Variants in DEAF1 observed in about 807,000 individuals in gnomAD.
The protein encoded by DEAF1 is DEAF1 transcription factor, also known as deformed epidermal autoregulatory factor 1 homolog.
DEAF1 carries 53 observed loss-of-function variants against 58.9 expected under a neutral mutation model. The ratio of observed to expected loss-of-function variants is 0.90; its 90% CI spans 0.72 to 1.13. The LOEUF (loss-of-function observed/expected upper bound fraction) is 1.13. Ranked by LOEUF, DEAF1 falls within the 50% of genes most tolerant of loss-of-function variation. The pLI, the probability that DEAF1 is intolerant of heterozygous loss-of-function variation, is 0.00. For missense variants in DEAF1, 685 were observed against 791.4 expected, an observed-to-expected ratio of 0.87 and a Z score of 1.61; for synonymous variants, 385 against 340.4, an observed-to-expected ratio of 1.13 and a Z score of -1.44.
intron 1 of DEAF1, among the ~76,000 whole-genome samples, chr11:693,305 C>T (rs957314044): frequency 3.3e-5 from 5 of 152,188 alleles, no homozygotes; most frequent in African/African-American, 7.2e-5. Flanking sequence ...TAGCGACGGA[C>T]GCCAACCCCT....
intron 9 of DEAF1, among the ~76,000 whole-genome samples, chr11:675,703 C>G (rs994180363): frequency 6.6e-6 from 1 of 152,066 alleles, no homozygotes; most frequent in Non-Finnish European, 1.5e-5. Context: ...GTCTATAATC[C>G]CAGCTACCTG....
intron 10 of DEAF1, among the ~76,000 whole-genome samples, chr11:657,229 C>T (rs575138108): frequency 1.8e-4 from 28 of 152,180 alleles, no homozygotes; most frequent in East Asian, 3.9e-4. Flanking sequence ...TAAAAGGACC[C>T]GGGGCTCCTT....
upstream of DEAF1, chr11:695,482 C>A (rs1861084975): frequency 5.5e-6 from 4 of 725,154 alleles, no homozygotes; most frequent in Non-Finnish European, 7.6e-6. Flanking sequence ...AGATTCTCGC[C>A]GGCGGCCGGC....
chr11:687,616 A>AGTAGCTGGGACTATGGGACTACAGGCG (rs1860651204), intron 4 of DEAF1, among the ~76,000 whole-genome samples: 1 of 152,150 alleles, frequency 6.6e-6, no homozygotes, highest in Admixed American at 6.5e-5. Context: ...CAGCCTCCCG[A>AGTAGCTGGGACTATGGGACTACAGGCG]GTAGCTGGGA....
At chr11:673,143 C>T (rs1028212676) in intron 10 of DEAF1, among the ~76,000 whole-genome samples, 1 of 150,134 alleles carries the variant, frequency 6.7e-6, no homozygotes, top group Non-Finnish European at 1.5e-5. Flanking sequence ...AGCGAGACTC[C>T]GTCTCAAAAA....
At chr11:699,609 A>G (rs1244748097), upstream of DEAF1, 1 of 155,080 alleles carries the variant, frequency 6.4e-6, no homozygotes, top group Non-Finnish European at 1.4e-5. Flanking sequence ...TTAGCTGGGC[A>G]TGGTTTTGCA....
intron 10 of DEAF1, among the ~76,000 whole-genome samples, chr11:657,238 T>G (rs1324899859): frequency 6.6e-6 from 1 of 152,060 alleles, no homozygotes; most frequent in Admixed American, 6.5e-5. Flanking sequence ...CCGGGGCTCC[T>G]TGGAGAAGGG....
intron 9 of DEAF1, among the ~76,000 whole-genome samples, chr11:677,763 A>G (rs753296544): frequency 0.13 from 7,122 of 53,692 alleles, 1,997 homozygotes; most frequent in East Asian, 0.42. Flanking sequence ...GACCAGCCTG[A>G]CCAGCATGGT....
intron 1 of DEAF1, chr11:704,003 T>C (rs1554948837): frequency 3.3e-6 from 4 of 1,217,946 alleles, no homozygotes; most frequent in Non-Finnish European, 3.1e-6. Context: ...TCTAAGCTGT[T>C]ACAGTAGCTT....
Position 694,962 on chromosome 11 carries a change from GCCGCCGCCGCCACAGCGGC to G in DEAF1, c.67_85del (p.Ala23ProfsTer14). 9.2e-7 allele frequency: 1 copy of G among 1,089,714 alleles called. No homozygotes were observed. The highest frequency in any genetic ancestry group is 1.1e-6 in the Non-Finnish European group (1 of 893,614). The allele number at this position is 1,089,714 out of a possible 1,614,324, so 67.5% of individuals were successfully genotyped here. Reference sequence around the variant, plus strand: ...CGCCTCGCCTCCTGCCGCGGCCGCGGCCGCCGCCGCCACAGCGGCCGCGGCCGCCACCGCCGCCGCCTCA... The same window carrying G: ...CGCCTCGCCTCCTGCCGCGGCCGCGGCGCGGCCGCCACCGCCGCCGCCTCA... On this transcript the variant is annotated frameshift_variant, in exon 1 of 12. Transcript: ENST00000382409. LOFTEE classifies it high-confidence loss of function.
At chr11:700,287 G>A (rs1304544141) in intron 1 of DEAF1, 1 of 1,528,394 alleles carries the variant, frequency 6.5e-7, no homozygotes, top group East Asian at 2.2e-5. Context: ...AACATTTTGG[G>A]AGGCTGAGGT....
intron 11 of DEAF1, among the ~76,000 whole-genome samples, chr11:650,791 T>A (rs1005438686): frequency 1.3e-5 from 2 of 151,964 alleles, no homozygotes; most frequent in Non-Finnish European, 2.9e-5. Flanking sequence ...CCGTCTCAAC[T>A]AAAAATACAA....
chr11:695,873 C>T (rs1590030184), upstream of DEAF1: 1 of 1,224,912 alleles, frequency 8.2e-7, no homozygotes, highest in Non-Finnish European at 1.0e-6. Flanking sequence ...TGGGGGCTTC[C>T]GGGCTTGCAG....
chr11:677,755 C>T (rs1168589399), intron 9 of DEAF1, among the ~76,000 whole-genome samples: 1 of 111,376 alleles, frequency 9.0e-6, no homozygotes, highest in Non-Finnish European at 2.0e-5. Flanking sequence ...GAGTTTGAGA[C>T]CAGCCTGACC....
chr11:694,727 G>A, intron 1 of DEAF1, 32 bp downstream of exon 1: 2 of 1,289,508 alleles, frequency 1.6e-6, no homozygotes, highest in Non-Finnish European at 2.0e-6. Context: ...CGCGGGAACC[G>A]GACGAGGCGA....
At chr11:678,931 C>T in intron 8 of DEAF1, 109 bp from the exon 9 acceptor site, 5 of 1,442,136 alleles carry the variant, frequency 3.5e-6, no homozygotes, top group Non-Finnish European at 4.7e-6. Flanking sequence ...AGCTTATGGC[C>T]ACACGTGGCT....
intron 11 of DEAF1, among the ~76,000 whole-genome samples, chr11:645,137 C>T (rs1257546072): frequency 3.8e-5 from 5 of 131,324 alleles, no homozygotes; most frequent in East Asian, 2.4e-4. Flanking sequence ...CACTCCAGCC[C>T]GGGTGACAGA....
intron 9 of DEAF1, among the ~76,000 whole-genome samples, chr11:678,165 C>T (rs1167929923): frequency 2.0e-5 from 3 of 152,084 alleles, no homozygotes; most frequent in East Asian, 1.9e-4. Flanking sequence ...GCCAAGATTG[C>T]GCCACTGCAC....
At chr11:700,115 G>A, upstream of DEAF1, 2 of 1,607,186 alleles carry the variant, frequency 1.2e-6, no homozygotes, top group Non-Finnish European at 1.7e-6. Flanking sequence ...AGCCTGTTGA[G>A]CTTGAGGATC....
Sources: allele counts gnomAD v4.1 joint callset (sites outside exome capture counted in the v4.1 genomes callset), GRCh38; gene constraint gnomAD v4.1.1; transcripts MANE v1.5; gene names NCBI Gene and HGNC (gene_info 2026-07-23, HGNC 2026-07-21).